The following TBC1D9 variants were observed in gnomAD, a reference collection of about 807,000 sequenced individuals.
The protein encoded by TBC1D9 is TBC1 domain family member 9A.
Under a neutral mutation model 132.0 loss-of-function variants are expected in TBC1D9, and 63 were observed. That is an observed-to-expected ratio of 0.48 (90% CI 0.39 to 0.59). TBC1D9 has a LOEUF of 0.59. Ranked by LOEUF, TBC1D9 falls within the 20% of genes least tolerant of loss-of-function variation. The probability of loss-of-function intolerance (pLI) is 0.00; values close to 1 mark genes in which losing one functional copy is unlikely to be tolerated. For missense variants in TBC1D9, 1,261 were observed against 1,592.7 expected (o/e 0.79, Z 3.54); for synonymous variants, 610 against 609.9 (o/e 1.00, Z 0.00).
At chr4:140,724,720 TAAGAA>T in intron 1 of TBC1D9, among the ~76,000 whole-genome samples, 1 of 147,390 alleles carries the variant, frequency 6.8e-6, no homozygotes, top group East Asian at 2.0e-4. Flanking sequence ...AATTGGTCAA[TAAGAA>T]AAGGAGCAAC....
chr4:140,622,452 C>T lies in TBC1D9; in HGVS notation c.3544G>A (p.Asp1182Asn). ...SHEEDKLHCE[D>N]IGEDTVLVRS... is the part of the protein sequence containing the mutation. ...ACCAGGACCGTGTCCTCTCCGATGTCCTCGCAGTGCAGCTTGTCCTCCTCG... is the reference window on the plus strand; with the variant it reads ...ACCAGGACCGTGTCCTCTCCGATGTTCTCGCAGTGCAGCTTGTCCTCCTCG... The change falls in exon 21 of 21, where the codon GAC becomes AAC. Residue 1182 changes from aspartate to asparagine, a missense_variant. Coordinates refer to ENST00000442267, the MANE Select transcript of TBC1D9 (RefSeq NM_015130.3). 1.2e-6 allele frequency: 2 copies of T among 1,614,018 alleles called. No homozygotes were observed. The highest frequency in any genetic ancestry group is 1.1e-5 in the South Asian group (1 of 91,086).
intron 7 of TBC1D9, 47 bp downstream of exon 7, chr4:140,670,673 A>G: frequency 6.5e-7 from 1 of 1,536,220 alleles, no homozygotes; most frequent in Non-Finnish European, 9.0e-7. Context: ...ACACTTGGGC[A>G]CAGGAACAGG....
At chr4:140,691,067 G>C (rs1183679593) in intron 2 of TBC1D9, among the ~76,000 whole-genome samples, 1 of 152,124 alleles carries the variant, frequency 6.6e-6, no homozygotes, top group East Asian at 1.9e-4. Context: ...AAGAAGCAGT[G>C]AGGACAGGTG....
intron 1 of TBC1D9, among the ~76,000 whole-genome samples, chr4:140,737,031 TTCG>T (rs1252419736): frequency 6.6e-6 from 1 of 152,148 alleles, no homozygotes; most frequent in Admixed American, 6.5e-5. Context: ...TGGGAATGGT[TTCG>T]GGATGAAACT....
chr4:140,661,652 A>G (rs1399421259), intron 10 of TBC1D9, among the ~76,000 whole-genome samples: 3 of 152,160 alleles, frequency 2.0e-5, no homozygotes, highest in Non-Finnish European at 4.4e-5. Flanking sequence ...GGTTGTTACA[A>G]CTGGGGATTT....
At chr4:140,637,269 G>A (rs529086017) in intron 15 of TBC1D9, among the ~76,000 whole-genome samples, 30 of 152,122 alleles carry the variant, frequency 2.0e-4, no homozygotes, top group African/African-American at 7.0e-4. Context: ...AGAATCGCTT[G>A]AACCTGGGAG....
chr4:140,639,089 G>A lies in TBC1D9; in HGVS notation c.2502C>T (p.Phe834=), dbSNP rs771109294. Reference sequence around the variant, plus strand: ...ATGAATTTACCTTGCAACTCACCTTGAAAAGAGCATAAAGTTCTTCCAGCT... The same window carrying A: ...ATGAATTTACCTTGCAACTCACCTTAAAAAGAGCATAAAGTTCTTCCAGCT... The part of the protein sequence containing the change: ...IDELEELYAL[F]KAEHLTSCYW... Residue 834 remains phenylalanine (F), a synonymous_variant, in exon 15 of 21, where the codon TTC becomes TTT. Coordinates refer to ENST00000442267, the MANE Select transcript of TBC1D9 (RefSeq NM_015130.3). The A allele has an allele frequency of 1.3e-6, 2 of 1,587,686 alleles. No homozygotes were observed. The highest frequency in any genetic ancestry group is 1.7e-6 in the Non-Finnish European group (2 of 1,165,606).
intron 1 of TBC1D9, among the ~76,000 whole-genome samples, chr4:140,729,469 A>G (rs1030111858): frequency 2.6e-5 from 4 of 152,216 alleles, no homozygotes; most frequent in African/African-American, 9.6e-5. Flanking sequence ...TTTCAGTTCC[A>G]TGTAACAGGT....
intron 6 of TBC1D9, among the ~76,000 whole-genome samples, chr4:140,674,767 T>C (rs964766388): frequency 6.6e-6 from 1 of 152,026 alleles, no homozygotes; most frequent in African/African-American, 2.4e-5. Flanking sequence ...GGTTCGATCA[T>C]AGCTCACTGT....
Position 140,755,913 on chromosome 4 carries a change from T to C in TBC1D9, c.130+3A>G, listed in dbSNP as rs763724028. On this transcript the variant is annotated splice_donor_region_variant and intron_variant, in intron 1 of 20. Transcript: ENST00000442267. ...TCCTGCAGGGATCGGCCACGGTCCT[T>C]ACCCGCCAGTCCGCCGCCGCCGCCT... 1 of 1,552,906 alleles carries C rather than the reference T, an allele frequency of 6.4e-7. No individual in the cohort carries two copies. Among genetic ancestry groups the C allele is most frequent in the Non-Finnish European group, 8.7e-7 (1 of 1,152,484 alleles).
intron 2 of TBC1D9, among the ~76,000 whole-genome samples, chr4:140,689,186 T>G (rs774779014): frequency 6.6e-6 from 1 of 152,152 alleles, no homozygotes; most frequent in Non-Finnish European, 1.5e-5. Flanking sequence ...TTGTAGAGTC[T>G]GAGCCTCGGC....
At chr4:140,666,589 C>T (rs1001073870) in intron 9 of TBC1D9, among the ~76,000 whole-genome samples, 7 of 151,942 alleles carry the variant, frequency 4.6e-5, no homozygotes, top group Admixed American at 1.3e-4. Context: ...CCGCCCACCT[C>T]GGCCTCCCAA....
intron 1 of TBC1D9, among the ~76,000 whole-genome samples, chr4:140,724,224 CTCT>C (rs2111060940): frequency 6.6e-6 from 1 of 152,284 alleles, no homozygotes; most frequent in South Asian, 2.1e-4. Context: ...TCTACTCTAC[CTCT>C]TCTTTCTCAC....
chr4:140,694,283 T>C (rs561629215), intron 2 of TBC1D9, among the ~76,000 whole-genome samples: 97 of 152,238 alleles, frequency 6.4e-4, no homozygotes, highest in African/African-American at 2.1e-3. Flanking sequence ...CTTATTAAAA[T>C]TGATAGGCCA....
rs962605773 is a variant in TBC1D9 at position 140,628,481 on chromosome 4, GAA to G, written c.2747-118_2747-117del. 57 of 948,206 alleles carry G rather than the reference GAA, an allele frequency of 6.0e-5. No individual in the cohort carries two copies. In the Middle Eastern group the frequency reaches 1.9e-3, roughly 32 times the overall value. 58.7% of individuals were successfully genotyped at this position (948,206 alleles called of 1,614,324 possible). On this transcript the variant is annotated intron_variant, in intron 16 of 20. Transcript: ENST00000442267. ...CATTCCAACCAAGACATTGTGTGGT[GAA>G]AGGCCTGGCCAGGACCTGTTTGGGT...
Position 140,622,246 on chromosome 4 carries a change from G to A in TBC1D9, c.3750C>T (p.Gly1250=), listed in dbSNP as rs1374884249. ...AGTCACTGGCCGAGGTGAGGGGCTT[G>A]CCCATCATCCGGATGTTTTTTGCAC... ...ITSAKNIRMM[G]KPLTSASDYE... Residue 1250 remains glycine (G), a synonymous_variant, in exon 21 of 21, where the codon GGC becomes GGT. Transcript: ENST00000442267. 6.2e-7 allele frequency: 1 copy of A among 1,601,090 alleles called. No homozygotes were observed. The highest frequency in any genetic ancestry group is 1.3e-5 in the African/African-American group (1 of 74,724).
chr4:140,633,926 T>C (rs536798276), intron 16 of TBC1D9, 22 bp downstream of exon 16: 2 of 1,612,276 alleles, frequency 1.2e-6, no homozygotes, highest in African/African-American at 2.7e-5. Flanking sequence ...TCCCAACTCA[T>C]GCAATAGTAC....
chr4:140,674,285 T>C (rs1737588336), intron 6 of TBC1D9, among the ~76,000 whole-genome samples: 1 of 152,214 alleles, frequency 6.6e-6, no homozygotes, highest in Non-Finnish European at 1.5e-5. Flanking sequence ...TATCTTGGCC[T>C]CAAAATGTGT....
intron 16 of TBC1D9, among the ~76,000 whole-genome samples, chr4:140,633,334 A>G (rs1174099165): frequency 6.6e-6 from 1 of 152,220 alleles, no homozygotes. Context: ...AAAAAGAACA[A>G]GAGTCCAAAA....
Sources: allele counts gnomAD v4.1 joint callset (sites outside exome capture counted in the v4.1 genomes callset), GRCh38; gene constraint gnomAD v4.1.1; transcripts MANE v1.5; gene names NCBI Gene and HGNC (gene_info 2026-07-23, HGNC 2026-07-21).